KANSL1: variants seen among roughly 807,000 people sequenced by gnomAD.
KANSL1 encodes MLL1/MLL complex subunit KANSL1.
A neutral mutation model predicts 103.6 loss-of-function variants in KANSL1; 22 were observed. The observed-to-expected ratio is 0.21, with a 90% CI of 0.15 to 0.30. KANSL1 has a LOEUF of 0.30. Among genes scored for constraint, KANSL1 ranks in the 10% least tolerant of loss-of-function variants. The pLI is 1.00. For missense variants in KANSL1, 1,337 were observed against 1,399.8 expected (o/e 0.96, Z 0.72); for synonymous variants, 600 against 527.6 (o/e 1.14, Z -1.88).
chr17:46,196,317 C>T, upstream of KANSL1: 1 of 455,640 alleles, frequency 2.2e-6, no homozygotes, highest in South Asian at 1.6e-5. Flanking sequence ...CTCCAATATC[C>T]ACTCTATTCT....
intron 6 of KANSL1, among the ~76,000 whole-genome samples, chr17:46,060,574 A>G (rs537638749): frequency 1.8e-4 from 27 of 152,190 alleles, no homozygotes; most frequent in Admixed American, 3.9e-4. Flanking sequence ...GCTCCTTTCC[A>G]AATGTCTAAC....
intron 4 of KANSL1, among the ~76,000 whole-genome samples, chr17:46,069,293 G>C (rs1260110085): frequency 6.6e-6 from 1 of 152,096 alleles, no homozygotes; most frequent in Non-Finnish European, 1.5e-5. Flanking sequence ...AAGCTTTCAA[G>C]GTAAATATTC....
intron 2 of KANSL1, among the ~76,000 whole-genome samples, chr17:46,145,840 T>C (rs1294285290): frequency 6.6e-6 from 1 of 152,238 alleles, no homozygotes; most frequent in Admixed American, 6.5e-5. Flanking sequence ...GGGATTCTCC[T>C]GCCTCAGCCT....
intron 1 of KANSL1, among the ~76,000 whole-genome samples, chr17:46,185,927 G>A (rs1417859167): frequency 6.6e-6 from 1 of 152,078 alleles, no homozygotes; most frequent in Non-Finnish European, 1.5e-5. Context: ...TTCTATGCTA[G>A]CACTGAATTC....
intron 1 of KANSL1, among the ~76,000 whole-genome samples, chr17:46,189,958 T>G (rs1361128321): frequency 6.6e-6 from 1 of 150,984 alleles, no homozygotes; most frequent in Non-Finnish European, 1.5e-5. Context: ...GTAACTAAGC[T>G]TTACTCGCAA....
intron 2 of KANSL1, among the ~76,000 whole-genome samples, chr17:46,165,272 G>C (rs984949497): frequency 6.6e-6 from 1 of 151,856 alleles, no homozygotes; most frequent in Non-Finnish European, 1.5e-5. Context: ...TCGCTCTGTC[G>C]CCCAGGCTGG....
At position 46,067,557 on chromosome 17, in the gene KANSL1, A is replaced by T; in HGVS notation, c.1644T>A (p.Val548=). The part of the protein sequence containing the change: ...SCGALRPVNG[V]INTLQPVLAD... ...GAAGAGCTAAAACTTACGTGTTAAT[A>T]ACTCCATTGACAGGTCTGAGTGCTC... The change falls in exon 5 of 15, where the codon GTT becomes GTA. Residue 548 remains valine, a synonymous_variant. Transcript: ENST00000432791. 1 of 1,579,358 alleles carries T rather than the reference A, an allele frequency of 6.3e-7. No individual in the cohort carries two copies. The highest frequency in any genetic ancestry group is 8.7e-7 in the Non-Finnish European group (1 of 1,148,240).
In KANSL1 at chr17:46,030,908, A is replaced by AAAGGTGTTCTGCC. The variant is rs1170655045; in HGVS notation, c.*555_*567dup. 2 of 152,920 alleles carry AAAGGTGTTCTGCC rather than the reference A, an allele frequency of 1.3e-5. No homozygotes were observed. The highest frequency in any genetic ancestry group is 2.9e-5 in the Non-Finnish European group (2 of 68,590). 9.5% of individuals were successfully genotyped at this position (152,920 alleles called of 1,614,324 possible). On this transcript the variant is annotated 3_prime_UTR_variant, in exon 15 of 15. Coordinates refer to ENST00000432791, the MANE Select transcript of KANSL1 (RefSeq NM_015443.4). The stretch of plus-strand genomic sequence containing the variant: ...TCTCTTAAGTTCTGGGTGAGAAAGG[A>AAAGGTGTTCTGCC]AAGGTGTTCTGCCAGCTGAGCACTC...
At chr17:46,156,918 C>A (rs2045464581) in intron 2 of KANSL1, 1 of 129,010 alleles carries the variant, frequency 7.8e-6, no homozygotes, top group Non-Finnish European at 1.9e-5. Flanking sequence ...AAAAAAAAAT[C>A]AGTCACATAA....
At chr17:46,184,788 A>G (rs539324612) in intron 1 of KANSL1, among the ~76,000 whole-genome samples, 46 of 151,646 alleles carry the variant, frequency 3.0e-4, no homozygotes, top group Non-Finnish European at 7.4e-5. Flanking sequence ...CTCATGGTAC[A>G]ATATAAACTC....
intron 2 of KANSL1, among the ~76,000 whole-genome samples, chr17:46,101,733 G>A (rs1295638408): frequency 7.5e-6 from 1 of 133,520 alleles, no homozygotes; most frequent in Non-Finnish European, 1.5e-5. Context: ...CAGCCTGGGG[G>A]ACAGAGCAAG....
intron 1 of KANSL1, among the ~76,000 whole-genome samples, chr17:46,176,940 T>A (rs1445921250): frequency 6.6e-6 from 1 of 151,964 alleles, no homozygotes; most frequent in African/African-American, 2.4e-5. Flanking sequence ...AAATTCCCAT[T>A]CCTAATTCCT....
At chr17:46,209,016 A>AC (rs2048073068) in intron 1 of KANSL1, among the ~76,000 whole-genome samples, 1 of 151,534 alleles carries the variant, frequency 6.6e-6, no homozygotes, top group Non-Finnish European at 1.5e-5. Flanking sequence ...ACTAAAAAAA[A>AC]ACCAAAAACT....
intron 2 of KANSL1, among the ~76,000 whole-genome samples, chr17:46,106,238 T>C (rs764746650): frequency 6.6e-6 from 1 of 152,204 alleles, no homozygotes; most frequent in Non-Finnish European, 1.5e-5. Context: ...AGTCAGCTAC[T>C]GAGAAATCAA....
intron 1 of KANSL1, among the ~76,000 whole-genome samples, chr17:46,187,176 G>A (rs1438176909): frequency 1.3e-5 from 2 of 152,234 alleles, no homozygotes; most frequent in African/African-American, 4.8e-5. Context: ...AGCAGCAAGA[G>A]GAAAGTCTAG....
chr17:46,171,931 G>C lies in KANSL1; in HGVS notation c.213C>G (p.Asp71Glu). The C allele has an allele frequency of 6.2e-7, 1 of 1,614,278 alleles. No homozygotes were observed. The highest frequency in any genetic ancestry group is 1.7e-5 in the Admixed American group (1 of 60,034). The part of the protein sequence containing the change: ...LDFRNNPTKE[D>E]LGKLQPLVAS... ...CCACCAGTGGTTGCAGCTTTCCCAA[G>C]TCTTCCTTGGTAGGATTATTTCGGA... The change falls in exon 2 of 15, where the codon GAC (aspartate) becomes GAG (glutamate). Residue 71 changes from aspartate to glutamate, a missense_variant. Around this residue, in one of 2 missense-constraint regions of KANSL1, gnomAD observed 557 missense variants for 476.4 expected, o/e 1.17. Transcript: ENST00000432791.
intron 2 of KANSL1, among the ~76,000 whole-genome samples, chr17:46,131,784 A>G (rs915958189): frequency 6.6e-6 from 1 of 152,226 alleles, no homozygotes; most frequent in Non-Finnish European, 1.5e-5. Context: ...AGTCTCAGAC[A>G]TAGATAGCAA....
At chr17:46,067,497 A>G in intron 5 of KANSL1, 52 bp downstream of exon 5, 1 of 1,143,070 alleles carries the variant, frequency 8.7e-7, no homozygotes, top group Non-Finnish European at 1.3e-6. Context: ...AAGAGCTCCA[A>G]AACACCTTTA....
intron 3 of KANSL1, among the ~76,000 whole-genome samples, chr17:46,089,398 C>T (rs2079291074): frequency 6.9e-6 from 1 of 145,352 alleles, no homozygotes; most frequent in African/African-American, 2.5e-5. Context: ...GTCACAAATA[C>T]TTTTTTTTTT....
Sources: allele counts gnomAD v4.1 joint callset (sites outside exome capture counted in the v4.1 genomes callset), GRCh38; gene constraint gnomAD v4.1.1; regional missense constraint gnomAD v4.1.1; transcripts MANE v1.5; gene names NCBI Gene and HGNC (gene_info 2026-07-23, HGNC 2026-07-21).